LAMA4: variants seen among roughly 807,000 people sequenced by gnomAD.
The protein encoded by LAMA4 is laminin subunit alpha 4.
Under a neutral mutation model 207.1 loss-of-function variants are expected in LAMA4, and 127 were observed. That is an observed-to-expected ratio of 0.61 (90% CI 0.53 to 0.71). The LOEUF is 0.71. Among genes scored for constraint, LAMA4 ranks in the 30% least tolerant of loss-of-function variants. LAMA4 has a pLI of 0.00. For missense variants in LAMA4, 2,093 were observed against 2,246.5 expected (o/e 0.93, Z 1.38); for synonymous variants, 761 against 816.0 (o/e 0.93, Z 1.15).
chr6:112,196,730 T>C (rs9481231), intron 5 of LAMA4, among the ~76,000 whole-genome samples: 32,521 of 152,032 alleles, frequency 0.21, 4,714 homozygotes, highest in African/African-American at 0.4. Flanking sequence ...GGGTGGGAGA[T>C]TGGGGGTAAA....
At chr6:112,149,260 T>G (rs1247293704) in intron 17 of LAMA4, among the ~76,000 whole-genome samples, 4 of 152,264 alleles carry the variant, frequency 2.6e-5, no homozygotes, top group African/African-American at 7.2e-5. Context: ...CTGTGCCTGT[T>G]GCAGCAAGTT....
chr6:112,201,186 T>C (rs6915838), intron 5 of LAMA4, among the ~76,000 whole-genome samples: 49,413 of 152,074 alleles, frequency 0.32, 8,532 homozygotes, highest in Non-Finnish European at 0.39. Flanking sequence ...GGGTTGTTTT[T>C]TTCTAATTTA....
rs185444899 is a variant in LAMA4, at chr6:112,197,261, A to G, written c.503+4347T>C. ...CGGGGAGTTTAAAGTGTGAGGTGGG[A>G]GAAGGTTTTTAGGGAGGAAAGACAG... On this transcript the variant is annotated intron_variant, in intron 5 of 38. Coordinates refer to ENST00000230538, the MANE Select transcript of LAMA4 (RefSeq NM_001105206.3). Among the ~76,000 whole-genome samples the G allele has an allele frequency of 4.9e-4, 75 of 152,250 alleles. No homozygotes were observed. The East Asian group carries it at 0.012, about 24-fold the overall frequency.
At chr6:112,113,882 A>G (rs587648188) in intron 38 of LAMA4, among the ~76,000 whole-genome samples, 194 bp downstream of exon 38, 2 of 152,312 alleles carry the variant, frequency 1.3e-5, no homozygotes, top group East Asian at 3.9e-4. Flanking sequence ...GGAGAGTAAT[A>G]GCCACTGGCT....
At chr6:112,132,306 T>G (rs1583669067) in intron 28 of LAMA4, among the ~76,000 whole-genome samples, 1 of 152,144 alleles carries the variant, frequency 6.6e-6, no homozygotes, top group East Asian at 1.9e-4. Flanking sequence ...CTAATAACAT[T>G]AGAAGTAGCA....
chr6:112,139,400 T>G, intron 23 of LAMA4, 109 bp from the exon 24 acceptor site: 1 of 1,152,886 alleles, frequency 8.7e-7, no homozygotes, highest in Non-Finnish European at 1.3e-6. Flanking sequence ...CTTACAACAT[T>G]TAAATGAAGT....
chr6:112,131,119 G>T lies in LAMA4; in HGVS notation c.3835-18C>A. 2 of 1,612,008 alleles carry T rather than the reference G, an allele frequency of 1.2e-6. No individual in the cohort carries two copies. Among genetic ancestry groups the T allele is most frequent in the Non-Finnish European group, 1.7e-6 (2 of 1,178,372 alleles). On this transcript the variant is annotated intron_variant, in intron 28 of 38. Transcript: ENST00000230538. ...ACGTCTGACTGAAATGCAAGCACAG[G>T]CATGTAAGTAGGGAGTCTAGGGATC...
rs1338626184 is a variant in LAMA4, at chr6:112,141,431, C to G, written c.2740G>C (p.Asp914His). The change falls in exon 21 of 39, where the codon GAT becomes CAT. Residue 914 changes from aspartate (D) to histidine (H), a missense_variant. Around this residue, in one of 3 missense-constraint regions of LAMA4, gnomAD observed 1,704 missense variants for 1,788.4 expected, o/e 0.95. Coordinates refer to ENST00000230538, the MANE Select transcript of LAMA4 (RefSeq NM_001105206.3). Reference protein sequence around the residue: ...LVYVYNLGTKDVEIPLDSKPV... With the variant: ...LVYVYNLGTKHVEIPLDSKPV... ...TTGGAGTCCAGGGGAATCTCCACATCTTTAGTTCCCAAATTATAGACGTAT... is the reference window on the plus strand; with the variant it reads ...TTGGAGTCCAGGGGAATCTCCACATGTTTAGTTCCCAAATTATAGACGTAT... 34 of 1,612,904 alleles carry G rather than the reference C, an allele frequency of 2.1e-5. No individual in the cohort carries two copies. The highest frequency in any genetic ancestry group is 2.8e-5 in the Non-Finnish European group (33 of 1,178,964).
intron 13 of LAMA4, among the ~76,000 whole-genome samples, chr6:112,162,494 AT>A (rs1297923376): frequency 6.6e-6 from 1 of 152,132 alleles, no homozygotes; most frequent in Admixed American, 6.5e-5. Context: ...CAATAAAAAA[AT>A]AAATAAAATA....
chr6:112,217,600 C>T (rs1232352281), intron 2 of LAMA4: 1 of 151,984 alleles, frequency 6.6e-6, no homozygotes, highest in African/African-American at 2.4e-5. Context: ...AGTCACTAAA[C>T]ACCATTCACA....
rs144895430 is a variant in LAMA4 at position 112,130,183 on chromosome 6, T to C, written c.3969-143A>G. On this transcript the variant is annotated intron_variant, in intron 29 of 38. Coordinates refer to ENST00000230538, the MANE Select transcript of LAMA4 (RefSeq NM_001105206.3). ...AGACAGCGAGTTGCCAAACTCTTCA[T>C]GAGGCCCAGGATAAAATGGTTGGAT... 577 of 701,130 alleles carry C rather than the reference T, an allele frequency of 8.2e-4. 2 individuals carry two copies. The African/African-American group carries it at 9.2e-3, about 11-fold the overall frequency. 43.4% of individuals were successfully genotyped at this position (701,130 alleles called of 1,614,324 possible).
rs535255302 is a variant in LAMA4, at chr6:112,147,066, C to T, written c.2353+1091G>A. 9.2e-5 allele frequency among the ~76,000 whole-genome samples: 14 copies of T among 152,202 alleles called. No homozygotes were observed. The South Asian group carries it at 2.9e-3, about 32-fold the overall frequency. On this transcript the variant is annotated intron_variant, in intron 18 of 38. Coordinates refer to ENST00000230538, the MANE Select transcript of LAMA4 (RefSeq NM_001105206.3). ...CTTTCATTTCCTTTGTTTTGAACCA[C>T]AAAATGCTATTTGAGAAAAGCACAG...
intron 3 of LAMA4, among the ~76,000 whole-genome samples, chr6:112,214,525 C>T (rs527680597): frequency 1.3e-5 from 2 of 152,218 alleles, no homozygotes; most frequent in East Asian, 1.9e-4. Context: ...GAAAATTATA[C>T]TAATGTATCT....
intron 9 of LAMA4, among the ~76,000 whole-genome samples, chr6:112,184,368 A>T (rs1782558860): frequency 6.6e-6 from 1 of 152,010 alleles, no homozygotes; most frequent in Non-Finnish European, 1.5e-5. Flanking sequence ...TATGCTAAAT[A>T]TGGTGCCTCG....
At chr6:112,140,344 T>C (rs7748075) in intron 22 of LAMA4, among the ~76,000 whole-genome samples, 6,167 of 152,274 alleles carry the variant, frequency 0.04, 408 homozygotes, top group African/African-American at 0.13. Context: ...CTCCGAAGTC[T>C]CACCCCCTCT....
intron 8 of LAMA4, among the ~76,000 whole-genome samples, chr6:112,186,036 T>G (rs1475412357): frequency 6.6e-6 from 1 of 152,216 alleles, no homozygotes; most frequent in Non-Finnish European, 1.5e-5. Flanking sequence ...AATTTCAAAG[T>G]TTAGAATAAA....
chr6:112,113,435 A>G (rs1777822064), intron 38 of LAMA4, among the ~76,000 whole-genome samples: 1 of 152,368 alleles, frequency 6.6e-6, no homozygotes, highest in Non-Finnish European at 1.5e-5. Flanking sequence ...AATGCATTCA[A>G]TATGAGGACA....
At chr6:112,115,822 G>A (rs1231723715) in intron 36 of LAMA4, 41 bp downstream of exon 36, 2 of 1,597,052 alleles carry the variant, frequency 1.3e-6, no homozygotes, top group African/African-American at 2.7e-5. Context: ...TAGAATCCAA[G>A]GTCAGATGAG....
chr6:112,111,204 C>T (rs1554321451), intron 38 of LAMA4, among the ~76,000 whole-genome samples: 1 of 152,056 alleles, frequency 6.6e-6, no homozygotes, highest in Non-Finnish European at 1.5e-5. Flanking sequence ...CCACCACACT[C>T]AGCTATTTTT....
Sources: gnomAD v4.1 joint callset for allele counts (sites outside exome capture counted in the v4.1 genomes callset) on GRCh38, gnomAD v4.1.1 for gene constraint, gnomAD v4.1.1 regional missense constraint, MANE v1.5 for transcripts, NCBI Gene and HGNC (gene_info 2026-07-23, HGNC 2026-07-21) for gene names.